DNAH14: variants seen among roughly 807,000 people sequenced by gnomAD.
DNAH14 encodes axonemal beta dynein heavy chain 14.
In DNAH14, 478 loss-of-function variants were observed where a neutral mutation model predicts 520.9. That is an observed-to-expected ratio of 0.92 (90% CI 0.85 to 0.99). The LOEUF (loss-of-function observed/expected upper bound fraction) is 0.99, where lower values mean the gene tolerates loss of function less well. Among genes scored for constraint, DNAH14 ranks in the 50% least tolerant of loss-of-function variants. The pLI is 0.00. For missense variants in DNAH14, 4,831 were observed against 5,234.5 expected (o/e 0.92, Z 2.38); for synonymous variants, 1,581 against 1,757.2 (o/e 0.90, Z 2.51).
At chr1:225,145,177 T>A in intron 29 of DNAH14, 149 bp from the exon 30 acceptor site, 1 of 587,632 alleles carries the variant, frequency 1.7e-6, no homozygotes, top group Non-Finnish European at 2.9e-6. Context: ...TATATTGAGT[T>A]TTGTGAATCT....
intron 35 of DNAH14, among the ~76,000 whole-genome samples, chr1:225,163,311 A>G (rs978921209): frequency 6.6e-6 from 1 of 152,142 alleles, no homozygotes; most frequent in African/African-American, 2.4e-5. Context: ...AAGCAATGAT[A>G]ATTTGACTTC....
At chr1:225,126,196 G>C (rs553300738) in intron 27 of DNAH14, among the ~76,000 whole-genome samples, 2 of 152,214 alleles carry the variant, frequency 1.3e-5, no homozygotes, top group East Asian at 3.9e-4. Flanking sequence ...GTGACGCAGA[G>C]ACATGGAGTG....
intron 74 of DNAH14, among the ~76,000 whole-genome samples, chr1:225,359,428 T>C (rs779877957): frequency 1.2e-4 from 18 of 150,256 alleles, no homozygotes; most frequent in Middle Eastern, 3.4e-3. Context: ...AGCCCTTGTA[T>C]TCCTCAAAAC....
intron 21 of DNAH14, among the ~76,000 whole-genome samples, chr1:225,087,416 A>T (rs551353377): frequency 6.6e-6 from 1 of 152,322 alleles, no homozygotes; most frequent in African/African-American, 2.4e-5. Flanking sequence ...ATGGCACTTG[A>T]GTTTCAATAT....
chr1:224,955,440 C>T (rs1188013799), intron 3 of DNAH14, among the ~76,000 whole-genome samples: 1 of 152,046 alleles, frequency 6.6e-6, no homozygotes, highest in Non-Finnish European at 1.5e-5. Flanking sequence ...TCCTAAGTCC[C>T]CAGTGCCTCT....
chr1:225,054,087 G>T (rs780212161), intron 17 of DNAH14, among the ~76,000 whole-genome samples: 2 of 152,142 alleles, frequency 1.3e-5, no homozygotes, highest in Non-Finnish European at 2.9e-5. Flanking sequence ...CGTTAATGCC[G>T]GGTCAGACAG....
intron 17 of DNAH14, among the ~76,000 whole-genome samples, chr1:225,057,561 C>G (rs1469778119): frequency 6.6e-6 from 1 of 152,074 alleles, no homozygotes; most frequent in Non-Finnish European, 1.5e-5. Flanking sequence ...ACTTCCAACA[C>G]TATGTTGAAT....
chr1:225,246,334 C>G (rs1159250493), intron 43 of DNAH14, among the ~76,000 whole-genome samples: 3 of 152,124 alleles, frequency 2.0e-5, no homozygotes, highest in Non-Finnish European at 4.4e-5. Context: ...GACTTCATGA[C>G]TGTGACACCA....
intron 66 of DNAH14, among the ~76,000 whole-genome samples, chr1:225,335,107 A>ATAACG (rs2094897465): frequency 6.8e-6 from 1 of 147,746 alleles, no homozygotes; most frequent in African/African-American, 2.5e-5. Context: ...ATATGTATAT[A>ATAACG]TACATATATA....
chr1:225,253,382 TTC>T (rs2092626285), intron 44 of DNAH14, among the ~76,000 whole-genome samples: 1 of 152,136 alleles, frequency 6.6e-6, no homozygotes, highest in Non-Finnish European at 1.5e-5. Flanking sequence ...AGAACATTAC[TTC>T]CTCTGGCTGC....
chr1:225,394,282 AT>A (rs1290584561), intron 84 of DNAH14, among the ~76,000 whole-genome samples: 2 of 152,190 alleles, frequency 1.3e-5, no homozygotes, highest in Non-Finnish European at 2.9e-5. Context: ...GTTCTTGTGT[AT>A]TCTGAATATA....
chr1:225,073,061 C>A (rs907453191), intron 17 of DNAH14, among the ~76,000 whole-genome samples: 2 of 152,004 alleles, frequency 1.3e-5, no homozygotes, highest in Non-Finnish European at 2.9e-5. Flanking sequence ...CCACTTCAGC[C>A]CCTTGTTGCC....
chr1:224,996,404 A>G (rs1033568439), intron 8 of DNAH14, among the ~76,000 whole-genome samples: 18 of 152,070 alleles, frequency 1.2e-4, no homozygotes, highest in African/African-American at 3.4e-4. Flanking sequence ...CAAGTGATCT[A>G]CCTGCTTCAG....
At chr1:225,023,943 A>T (rs2065904121) in intron 11 of DNAH14, 78 bp downstream of exon 11, 1 of 1,448,580 alleles carries the variant, frequency 6.9e-7, no homozygotes, top group Non-Finnish European at 9.1e-7. Flanking sequence ...GGAAATATTC[A>T]ATAATTTAAG....
At chr1:225,156,383 C>A (rs1409964016) in intron 34 of DNAH14, among the ~76,000 whole-genome samples, 2 of 152,144 alleles carry the variant, frequency 1.3e-5, no homozygotes, top group Non-Finnish European at 2.9e-5. Flanking sequence ...GCTTACTCTC[C>A]AGAGACTCTT....
At chr1:225,204,080 T>G (rs913403078) in intron 38 of DNAH14, 103 bp from the exon 39 acceptor site, 2 of 587,692 alleles carry the variant, frequency 3.4e-6, no homozygotes, top group Non-Finnish European at 5.5e-6. Flanking sequence ...ACCCTCTGCC[T>G]TTTATATTTT....
chr1:225,393,802 A>C (rs1307681363), intron 84 of DNAH14, among the ~76,000 whole-genome samples: 1 of 150,448 alleles, frequency 6.6e-6, no homozygotes, highest in East Asian at 1.9e-4. Flanking sequence ...GTGCAGTGAT[A>C]TATCTTTTTT....
intron 37 of DNAH14, among the ~76,000 whole-genome samples, chr1:225,187,800 T>C (rs2084932489): frequency 6.6e-6 from 1 of 151,944 alleles, no homozygotes; most frequent in Admixed American, 6.6e-5. Context: ...GTTATCTTTT[T>C]GTTGTTCAGT....
chr1:225,351,734 A>G lies in DNAH14; in HGVS notation c.11384A>G (p.Glu3795Gly). The G allele has an allele frequency of 6.4e-7, 1 of 1,551,350 alleles. No individual in the cohort carries two copies. Among genetic ancestry groups the G allele is most frequent in the Non-Finnish European group, 8.7e-7 (1 of 1,146,764 alleles). ...TGCCAATATGTCAGCACTCACCTGG[A>G]ACCATTTTCACTTCTGTGCAAATCC... ...RQCQYVSTHL[E>G]PFSLLCKSLL... Residue 3795 changes from glutamate to glycine, a missense_variant, in exon 72 of 86, where the codon GAA (glutamate) becomes GGA (glycine). Transcript: ENST00000682510.
Sources: allele counts gnomAD v4.1 joint callset (sites outside exome capture counted in the v4.1 genomes callset), GRCh38; gene constraint gnomAD v4.1.1; transcripts MANE v1.5; gene names NCBI Gene and HGNC (gene_info 2026-07-23, HGNC 2026-07-21).